BAZ1A: variants seen among roughly 807,000 people sequenced by gnomAD.
BAZ1A encodes the protein bromodomain adjacent to zinc finger domain protein 1A.
A neutral mutation model predicts 185.2 loss-of-function variants in BAZ1A; 50 were observed. That is an observed-to-expected ratio of 0.27 (90% CI 0.22 to 0.34). The LOEUF (loss-of-function observed/expected upper bound fraction) is 0.34, where lower values mean the gene tolerates loss of function less well. Among genes scored for constraint, BAZ1A ranks in the 10% least tolerant of loss-of-function variants. The pLI, the probability that BAZ1A is intolerant of heterozygous loss-of-function variation, is 1.00. For missense variants in BAZ1A, 1,356 were observed against 1,839.9 expected (o/e 0.74, Z 4.81); for synonymous variants, 571 against 615.6 (o/e 0.93, Z 1.07).
intron 3 of BAZ1A, among the ~76,000 whole-genome samples, chr14:34,846,086 T>C (rs1033948764): frequency 5.9e-5 from 9 of 152,174 alleles, no homozygotes; most frequent in African/African-American, 1.9e-4. Context: ...ATGAGCCTAT[T>C]ATAATATTTG....
At chr14:34,804,791 T>C (rs1482594452) in intron 6 of BAZ1A, among the ~76,000 whole-genome samples, 6 of 152,224 alleles carry the variant, frequency 3.9e-5, no homozygotes, top group Admixed American at 3.3e-4. Context: ...AGTACATTAA[T>C]TGCCAAAGTT....
In BAZ1A at chr14:34,756,552, G is replaced by A. The variant is rs567427760; in HGVS notation, c.4387-1638C>T. 4.8e-5 allele frequency among the ~76,000 whole-genome samples: 6 copies of A among 124,436 alleles called. 1 individual carries two copies. The highest frequency in any genetic ancestry group is 5.6e-4 in the South Asian group (2 of 3,556). 81.6% of individuals were successfully genotyped at this position (124,436 alleles called of 152,430 possible). ...GTGATCTCGACTCACTACAACCTCCGCCTCCTGGGTTCAAGCGATTCTCCT... is the reference window on the plus strand; with the variant it reads ...GTGATCTCGACTCACTACAACCTCCACCTCCTGGGTTCAAGCGATTCTCCT... On this transcript the variant is annotated intron_variant, in intron 25 of 26. Coordinates refer to ENST00000360310, the MANE Select transcript of BAZ1A (RefSeq NM_013448.3).
intron 3 of BAZ1A, among the ~76,000 whole-genome samples, chr14:34,858,832 T>C (rs1187591605): frequency 5.9e-5 from 9 of 152,216 alleles, no homozygotes; most frequent in African/African-American, 2.2e-4. Flanking sequence ...ATGAAAGTGA[T>C]ATGGAGGAAG....
intron 3 of BAZ1A, among the ~76,000 whole-genome samples, chr14:34,859,607 C>T (rs2042736402): frequency 6.6e-6 from 1 of 152,106 alleles, no homozygotes. Flanking sequence ...GACCCCTTTT[C>T]TACTTAACTC....
At chr14:34,794,919 G>A in intron 10 of BAZ1A, 32 bp from the exon 11 acceptor site, 1 of 1,597,924 alleles carries the variant, frequency 6.3e-7, no homozygotes. Flanking sequence ...ATAACTATTT[G>A]AACCAAGAGC....
Position 34,832,215 on chromosome 14 carries a change from C to CACACACACACACATATATATATATAT in BAZ1A, c.393-6060_393-6059insATATATATATATATGTGTGTGTGTGT. ...ATACACACACACACACACACACACA[C>CACACACACACACATATATATATATAT]ATATATATATATATATGTATGTATG... On this transcript the variant is annotated intron_variant, in intron 3 of 26. Transcript: ENST00000360310. Among the ~76,000 whole-genome samples, 98 of 89,678 alleles carry CACACACACACACATATATATATATAT rather than the reference C, an allele frequency of 1.1e-3. 1 individual carries two copies. Among genetic ancestry groups the CACACACACACACATATATATATATAT allele is most frequent in the Non-Finnish European group, 1.7e-3 (72 of 42,712 alleles). The allele number at this position is 89,678 out of a possible 152,430, so 58.8% of individuals were successfully genotyped here. A position where few individuals can be genotyped will look rare whatever the true frequency, so the allele number is the denominator to read the frequency against.
At chr14:34,794,996 T>G in intron 10 of BAZ1A, 109 bp from the exon 11 acceptor site, 1 of 1,395,670 alleles carries the variant, frequency 7.2e-7, no homozygotes, top group Non-Finnish European at 9.6e-7. Flanking sequence ...ATTTGTAAGC[T>G]ACTGGTTCTC....
chr14:34,841,112 C>T (rs530789654), intron 3 of BAZ1A, among the ~76,000 whole-genome samples: 1 of 152,118 alleles, frequency 6.6e-6, no homozygotes, highest in East Asian at 1.9e-4. Context: ...TCATGCCCTG[C>T]TAATTTTGTG....
At chr14:34,869,240 C>A (rs1310367496) in intron 2 of BAZ1A, among the ~76,000 whole-genome samples, 2 of 151,852 alleles carry the variant, frequency 1.3e-5, no homozygotes, top group African/African-American at 4.8e-5. Context: ...CATAACATAA[C>A]ATAAAATCAG....
At chr14:34,805,493 G>A (rs892728430) in intron 6 of BAZ1A, among the ~76,000 whole-genome samples, 5 of 152,166 alleles carry the variant, frequency 3.3e-5, no homozygotes, top group Non-Finnish European at 7.3e-5. Context: ...CCAACTGGGT[G>A]TTTACAATAT....
intron 3 of BAZ1A, among the ~76,000 whole-genome samples, chr14:34,836,810 T>C (rs556198966): frequency 6.6e-6 from 1 of 152,172 alleles, no homozygotes; most frequent in South Asian, 2.1e-4. Context: ...GAGTCAGCTA[T>C]TCACACAAAA....
chr14:34,839,839 C>CAAAAAAAAAAAAA (rs60954768), intron 3 of BAZ1A, among the ~76,000 whole-genome samples: 18 of 106,678 alleles, frequency 1.7e-4, no homozygotes, highest in Non-Finnish European at 3.2e-4. Flanking sequence ...GCCTCTGTTT[C>CAAAAAAAAAAAAA]AAAAAAAAAA....
Position 34,796,806 on chromosome 14 carries a change from G to A in BAZ1A, c.1129-1041C>T, listed in dbSNP as rs533402527. ...CAACATAAAACGCCTAGATAGTTAC[G>A]GAACTTGCTGTAACTTGAATAGTCT... On this transcript the variant is annotated intron_variant, in intron 9 of 26. Transcript: ENST00000360310. 3.3e-5 allele frequency among the ~76,000 whole-genome samples: 5 copies of A among 152,230 alleles called. 1 individual carries two copies. Among genetic ancestry groups the A allele is most frequent in the African/African-American group, 7.2e-5 (3 of 41,542 alleles).
chr14:34,836,032 A>G (rs1401826804), intron 3 of BAZ1A, among the ~76,000 whole-genome samples: 1 of 151,912 alleles, frequency 6.6e-6, no homozygotes, highest in African/African-American at 2.4e-5. Flanking sequence ...AGCTATTTTT[A>G]GTAGCCATTT....
intron 3 of BAZ1A, among the ~76,000 whole-genome samples, chr14:34,846,837 T>A (rs1045538289): frequency 1.3e-5 from 2 of 152,186 alleles, no homozygotes; most frequent in African/African-American, 2.4e-5. Flanking sequence ...AAAGAACAGT[T>A]ATCCCTACCT....
rs1226747600 is a variant in BAZ1A at position 34,795,653 on chromosome 14, A to C, written c.1224+17T>G. The C allele has an allele frequency of 1.3e-6, 2 of 1,556,204 alleles. No individual in the cohort carries two copies. The highest frequency in any genetic ancestry group is 8.8e-7 in the Non-Finnish European group (1 of 1,141,672). On this transcript the variant is annotated intron_variant, in intron 10 of 26. Transcript: ENST00000360310. ...GTAAAACCTATGTGTGCTAAACATC[A>C]CATAACATGTTTATACCTTAAGGTC...
chr14:34,783,150 G>C lies in BAZ1A; in HGVS notation c.2080C>G (p.Gln694Glu). 6 of 1,607,846 alleles carry C rather than the reference G, an allele frequency of 3.7e-6. No homozygotes were observed. Among genetic ancestry groups the C allele is most frequent in the Non-Finnish European group, 5.1e-6 (6 of 1,175,886 alleles). ...EKQEKLKEDE[Q>E]RNSTADISIG... is the part of the protein sequence containing the mutation. ...GATATATCTGCCGTTGAATTTCTTT[G>C]CTCATCTTCTTTCAGTTTTTCTTGT... The change falls in exon 16 of 27, where the codon CAA (glutamine) becomes GAA (glutamate). Residue 694 changes from glutamine to glutamate, a missense_variant. This residue lies in a region of BAZ1A where 434 missense variants were observed against 561.7 expected (regional missense o/e 0.77). Transcript: ENST00000360310.
intron 2 of BAZ1A, among the ~76,000 whole-genome samples, chr14:34,870,957 AATTTG>A (rs2042940512): frequency 6.6e-6 from 1 of 152,200 alleles, no homozygotes; most frequent in African/African-American, 2.4e-5. Context: ...TGTGAAACAT[AATTTG>A]GACCACCTGT....
intron 4 of BAZ1A, among the ~76,000 whole-genome samples, chr14:34,812,438 G>T (rs1438344955): frequency 6.6e-6 from 1 of 152,198 alleles, no homozygotes; most frequent in Non-Finnish European, 1.5e-5. Flanking sequence ...GTAGTCACTA[G>T]AGGATTTTTA....
Sources: allele counts gnomAD v4.1 joint callset (sites outside exome capture counted in the v4.1 genomes callset), GRCh38; gene constraint gnomAD v4.1.1; regional missense constraint gnomAD v4.1.1; transcripts MANE v1.5; gene names NCBI Gene and HGNC (gene_info 2026-07-23, HGNC 2026-07-21).